POLN: variants seen among roughly 807,000 people sequenced by gnomAD.
The protein encoded by POLN is DNA polymerase nu, also known as DNA polymerase N.
POLN carries 108 observed loss-of-function variants against 113.5 expected under a neutral mutation model. The observed-to-expected ratio is 0.95, with a 90% CI of 0.81 to 1.12. The LOEUF (loss-of-function observed/expected upper bound fraction) is 1.12. Among genes scored for constraint, POLN ranks in the 50% most tolerant of loss-of-function variants. The pLI is 0.00. For missense variants in POLN, 1,097 were observed against 1,077.1 expected (o/e 1.02, Z -0.26); for synonymous variants, 386 against 391.5 (o/e 0.99, Z 0.17).
chr4:2,180,481 T>C (rs1733110659), intron 7 of POLN, among the ~76,000 whole-genome samples: 1 of 152,230 alleles, frequency 6.6e-6, no homozygotes, highest in Non-Finnish European at 1.5e-5. Flanking sequence ...CTTTAAATTA[T>C]ACCAGTCTAA....
chr4:2,095,006 T>C (rs1388249935), intron 20 of POLN, among the ~76,000 whole-genome samples: 1 of 152,088 alleles, frequency 6.6e-6, no homozygotes, highest in Admixed American at 6.5e-5. Flanking sequence ...AAAGGAGGTC[T>C]GAACAGGCTT....
chr4:2,124,450 A>AT (rs914995217), intron 19 of POLN, among the ~76,000 whole-genome samples: 2 of 151,806 alleles, frequency 1.3e-5, no homozygotes, highest in Non-Finnish European at 2.9e-5. Context: ...TTAAAAAAAA[A>AT]TTTTTTTTGT....
At chr4:2,088,934 C>G (rs1321536055) in intron 20 of POLN, 1 of 1,067,878 alleles carries the variant, frequency 9.4e-7, no homozygotes, top group Non-Finnish European at 1.4e-6. Context: ...AGCTGAAGGT[C>G]TAGCAGCAAC....
At chr4:2,197,917 G>C (rs1733621689) in intron 6 of POLN, among the ~76,000 whole-genome samples, 2 of 152,200 alleles carry the variant, frequency 1.3e-5, no homozygotes, top group Non-Finnish European at 2.9e-5. Context: ...CCCAAGTCAT[G>C]TGGATAACCT....
intron 3 of POLN, among the ~76,000 whole-genome samples, chr4:2,221,861 T>A (rs1027383470): frequency 2.8e-4 from 43 of 152,120 alleles, no homozygotes; most frequent in African/African-American, 9.9e-4. Context: ...AGGGGTGAGC[T>A]ATCGCACCTG....
intron 23 of POLN, chr4:2,079,498 A>G (rs913310569): frequency 1.0e-6 from 1 of 985,658 alleles, no homozygotes; most frequent in Non-Finnish European, 1.2e-6. Context: ...GTATGGGTGC[A>G]TGTGCTTGTG....
At chr4:2,188,756 T>C (rs950422070) in intron 7 of POLN, among the ~76,000 whole-genome samples, 2 of 151,626 alleles carry the variant, frequency 1.3e-5, no homozygotes, top group South Asian at 4.1e-4. Flanking sequence ...CAATCCACCA[T>C]AACTCCAGTG....
At chr4:2,073,059 C>T in intron 24 of POLN, 30 bp from the exon 25 acceptor site, 3 of 1,609,392 alleles carry the variant, frequency 1.9e-6, no homozygotes, top group African/African-American at 2.7e-5. Context: ...GGAGGCCCTG[C>T]TGGTCTCTTG....
At chr4:2,227,798 T>A (rs1691767588) in intron 3 of POLN, 1 of 152,220 alleles carries the variant, frequency 6.6e-6, no homozygotes, top group Non-Finnish European at 1.5e-5. Flanking sequence ...GAGCCTCATA[T>A]TATAGCTGCC....
intron 13 of POLN, 55 bp downstream of exon 13, chr4:2,170,624 G>A (rs1045040032): frequency 1.4e-6 from 2 of 1,445,184 alleles, no homozygotes; most frequent in African/African-American, 2.8e-5. Context: ...CAGCACACAT[G>A]TGGTGCAGAC....
intron 16 of POLN, among the ~76,000 whole-genome samples, chr4:2,148,537 T>C (rs1305552312): frequency 6.6e-6 from 1 of 152,026 alleles, no homozygotes; most frequent in East Asian, 1.9e-4. Flanking sequence ...CATGGTGGCA[T>C]GCGCCTGTAA....
intron 5 of POLN, among the ~76,000 whole-genome samples, chr4:2,204,446 C>T (rs746271121): frequency 1.3e-5 from 2 of 151,858 alleles, no homozygotes; most frequent in Non-Finnish European, 2.9e-5. Flanking sequence ...GAAATGGTAA[C>T]AAAAAAATTA....
intron 3 of POLN, among the ~76,000 whole-genome samples, chr4:2,214,257 A>T (rs1734061340): frequency 6.6e-6 from 1 of 152,134 alleles, no homozygotes; most frequent in Admixed American, 6.5e-5. Context: ...AAGTAAGCTT[A>T]AAAAAGAGAG....
chr4:2,119,526 G>A (rs968063162), intron 19 of POLN, among the ~76,000 whole-genome samples: 1 of 152,138 alleles, frequency 6.6e-6, no homozygotes, highest in Non-Finnish European at 1.5e-5. Flanking sequence ...CTCAGCACCA[G>A]TCTCTCAAAT....
intron 19 of POLN, among the ~76,000 whole-genome samples, chr4:2,116,797 G>A (rs1225677757): frequency 6.6e-6 from 1 of 152,180 alleles, no homozygotes; most frequent in African/African-American, 2.4e-5. Flanking sequence ...TGGCCTTCCA[G>A]GCAGAAGACT....
chr4:2,134,189 G>C (rs1290135419), intron 16 of POLN, among the ~76,000 whole-genome samples: 1 of 152,100 alleles, frequency 6.6e-6, no homozygotes, highest in East Asian at 1.9e-4. Flanking sequence ...TGGCTTTGTA[G>C]CTTATTCCTT....
chr4:2,179,421 T>C lies in POLN; in HGVS notation c.1066A>G (p.Ile356Val). Residue 356 changes from isoleucine (I) to valine (V), a missense_variant, in exon 8 of 26, where the codon ATA (isoleucine) becomes GTA (valine). Transcript: ENST00000511885. The stretch of plus-strand genomic sequence containing the variant: ...GAGGGTGTGGCATCACTAGGATCTA[T>C]AAGCCATGCAGCAATTCTGGGATCT... ...GLDPRIAAWL[I>V]DPSDATPSFE... The C allele has an allele frequency of 1.9e-6, 3 of 1,613,956 alleles. No individual in the cohort carries two copies. Among genetic ancestry groups the C allele is most frequent in the Non-Finnish European group, 2.5e-6 (3 of 1,179,826 alleles).
chr4:2,133,423 C>A (rs1731776683), intron 16 of POLN, among the ~76,000 whole-genome samples: 1 of 152,148 alleles, frequency 6.6e-6, no homozygotes, highest in Non-Finnish European at 1.5e-5. Context: ...CCTAAGTGCC[C>A]ATCAATGGGT....
At chr4:2,073,058 G>A (rs1292701054) in intron 24 of POLN, 29 bp from the exon 25 acceptor site, 1 of 1,608,370 alleles carries the variant, frequency 6.2e-7, no homozygotes, top group Non-Finnish European at 8.5e-7. Flanking sequence ...AGGAGGCCCT[G>A]CTGGTCTCTT....
Sources: allele counts gnomAD v4.1 joint callset (sites outside exome capture counted in the v4.1 genomes callset), GRCh38; gene constraint gnomAD v4.1.1; transcripts MANE v1.5; gene names NCBI Gene and HGNC (gene_info 2026-07-23, HGNC 2026-07-21).